Variants in CTPS2 observed in about 807,000 individuals in gnomAD.
CTPS2 encodes the protein CTP synthase II.
CTPS2 carries 19 observed loss-of-function variants against 46.8 expected under a neutral mutation model. The ratio of observed to expected loss-of-function variants is 0.41; its 90% CI spans 0.28 to 0.60. CTPS2 has a LOEUF of 0.60. Ranked by LOEUF, CTPS2 falls within the 20% of genes least tolerant of loss-of-function variation. The pLI, the probability that CTPS2 is intolerant of heterozygous loss-of-function variation, is 0.35. For missense variants in CTPS2, 286 were observed against 447.6 expected, an observed-to-expected ratio of 0.64 and a Z score of 3.26; for synonymous variants, 151 against 165.2, an observed-to-expected ratio of 0.91 and a Z score of 0.66.
chrX:16,674,555 C>A (rs1922053718), intron 10 of CTPS2, among the ~76,000 whole-genome samples: 1 of 110,842 alleles, frequency 9.0e-6, no homozygotes, highest in African/African-American at 3.3e-5. Flanking sequence ...AGAAATTACG[C>A]AGGCCGGGCA....
intron 1 of CTPS2, among the ~76,000 whole-genome samples, chrX:16,709,657 T>C (rs191723128): frequency 0.01 from 1,115 of 109,018 alleles, 13 homozygotes; most frequent in African/African-American, 0.035. Flanking sequence ...AAGACCATCC[T>C]GGCCAACATG....
intron 15 of CTPS2, among the ~76,000 whole-genome samples, chrX:16,619,122 C>G (rs1016836176): frequency 1.1e-4 from 12 of 112,383 alleles, no homozygotes; most frequent in African/African-American, 3.9e-4. Context: ...CCTACATGTA[C>G]CAAATTATGT....
chrX:16,616,565 G>A (rs746182638), intron 16 of CTPS2, among the ~76,000 whole-genome samples: 2 of 112,086 alleles, frequency 1.8e-5, no homozygotes, highest in South Asian at 7.5e-4. Context: ...CTAGAGGCTG[G>A]CACAAAGAAG....
intron 14 of CTPS2, among the ~76,000 whole-genome samples, chrX:16,629,185 T>C (rs113743204): frequency 0.016 from 1,853 of 112,467 alleles, 33 homozygotes; most frequent in African/African-American, 0.056. Flanking sequence ...TGAGGACAAG[T>C]GCTTGTCTAG....
intron 9 of CTPS2, 77 bp from the exon 10 acceptor site, chrX:16,678,527 T>A: frequency 1.7e-6 from 1 of 572,985 alleles, no homozygotes; most frequent in South Asian, 2.8e-5. Context: ...TCTAATACTA[T>A]GACACATTAT....
chrX:16,705,667 G>C lies in CTPS2; in HGVS notation c.-39-2726C>G, dbSNP rs183712823. Among the ~76,000 whole-genome samples, 27 of 111,564 alleles carry C rather than the reference G, an allele frequency of 2.4e-4. No individual in the cohort carries two copies. In the East Asian group the frequency reaches 6.8e-3, roughly 28 times the overall value. ...CCCTCCTTCAGAGTGCCTGCCTCTG[G>C]TTTTGGGAGGCCAAGGTAGGAGGGT... On this transcript the variant is annotated intron_variant, in intron 1 of 18. Coordinates refer to ENST00000359276, the MANE Select transcript of CTPS2 (RefSeq NM_175859.3).
chrX:16,620,591 A>G (rs980396140), intron 14 of CTPS2, among the ~76,000 whole-genome samples: 1 of 112,566 alleles, frequency 8.9e-6, no homozygotes, highest in African/African-American at 3.2e-5. Context: ...CAAGTCCACC[A>G]CAGAATCCAG....
At chrX:16,628,569 T>C (rs376524065) in intron 14 of CTPS2, among the ~76,000 whole-genome samples, 201 of 111,124 alleles carry the variant, frequency 1.8e-3, no homozygotes, top group African/African-American at 6.5e-3. Flanking sequence ...TTTCTCCATG[T>C]TGGCCAGGCT....
intron 13 of CTPS2, among the ~76,000 whole-genome samples, chrX:16,660,276 C>T (rs1049897564): frequency 9.0e-6 from 1 of 110,511 alleles, no homozygotes; most frequent in Non-Finnish European, 1.9e-5. Flanking sequence ...AGTGGAGTGG[C>T]ATGATCATGG....
chrX:16,669,946 G>A (rs775291153), intron 11 of CTPS2, among the ~76,000 whole-genome samples: 3 of 110,875 alleles, frequency 2.7e-5, no homozygotes, highest in South Asian at 3.8e-4. Flanking sequence ...CAACTCGGCC[G>A]GGCACGGGGG....
At chrX:16,644,720 T>G (rs1016740948) in intron 13 of CTPS2, among the ~76,000 whole-genome samples, 1 of 112,366 alleles carries the variant, frequency 8.9e-6, no homozygotes, top group African/African-American at 3.2e-5. Flanking sequence ...TTTATATCTC[T>G]GACTTCCAGA....
chrX:16,667,093 G>A (rs1470578288), intron 13 of CTPS2, among the ~76,000 whole-genome samples: 1 of 106,274 alleles, frequency 9.4e-6, no homozygotes, highest in East Asian at 2.9e-4. Flanking sequence ...AATTTAAAAT[G>A]TTCTGGTGCT....
intron 17 of CTPS2, among the ~76,000 whole-genome samples, chrX:16,593,004 C>T (rs924550706): frequency 1.8e-5 from 2 of 111,377 alleles, no homozygotes; most frequent in African/African-American, 6.5e-5. Context: ...TTACTCAGTT[C>T]CAAATAAATC....
chrX:16,702,118 G>C (rs1924629680), intron 2 of CTPS2, among the ~76,000 whole-genome samples: 2 of 110,709 alleles, frequency 1.8e-5, no homozygotes, highest in Non-Finnish European at 3.8e-5. Context: ...GCAATGGCTC[G>C]ATCTTGGCTC....
chrX:16,666,266 A>G lies in CTPS2; in HGVS notation c.1296+1248T>C, dbSNP rs761115335. ...AACTCGCTCTGTTAGTGGTGAGCAC[A>G]GTAGCATGAGGCAGAAGGCAGAGGC... is the stretch of plus-strand genomic sequence containing the variant. On this transcript the variant is annotated intron_variant, in intron 13 of 18. Coordinates refer to ENST00000359276, the MANE Select transcript of CTPS2 (RefSeq NM_175859.3). 1.2e-4 allele frequency among the ~76,000 whole-genome samples: 14 copies of G among 112,162 alleles called. No individual in the cohort carries two copies. In the South Asian group the frequency reaches 2.2e-3, roughly 18 times the overall value.
At chrX:16,607,494 C>T (rs1040291638) in intron 17 of CTPS2, among the ~76,000 whole-genome samples, 3 of 112,752 alleles carry the variant, frequency 2.7e-5, no homozygotes, top group Admixed American at 1.9e-4. Context: ...ACTCCAGCTC[C>T]GAGAGCACAG....
chrX:16,616,746 G>A (rs936478431), intron 16 of CTPS2, among the ~76,000 whole-genome samples: 2 of 112,006 alleles, frequency 1.8e-5, no homozygotes, highest in Non-Finnish European at 3.8e-5. Flanking sequence ...CCAGGCTGGA[G>A]TGCAGTGACG....
At chrX:16,682,189 A>G (rs1454815645) in intron 9 of CTPS2, among the ~76,000 whole-genome samples, 1 of 112,587 alleles carries the variant, frequency 8.9e-6, no homozygotes, top group Non-Finnish European at 1.9e-5. Context: ...TACATGTAGA[A>G]AACAGCTTAC....
intron 14 of CTPS2, among the ~76,000 whole-genome samples, chrX:16,633,073 TCTTTTC>T (rs1228655645): frequency 4.1e-4 from 37 of 89,365 alleles, no homozygotes; most frequent in Non-Finnish European, 6.2e-4. Context: ...TTTTTCTTTT[TCTTTTC>T]TTTTGTTTTT....
Sources: allele counts gnomAD v4.1 joint callset (sites outside exome capture counted in the v4.1 genomes callset), GRCh38; gene constraint gnomAD v4.1.1; transcripts MANE v1.5; gene names NCBI Gene and HGNC (gene_info 2026-07-23, HGNC 2026-07-21).